The following MLLT10 variants were observed in gnomAD, a reference collection of about 807,000 sequenced individuals.
The protein encoded by MLLT10 is MLLT10 histone lysine methyltransferase DOT1L cofactor, also known as protein AF-10.
Under a neutral mutation model 129.1 loss-of-function variants are expected in MLLT10, and 30 were observed. That is an observed-to-expected ratio of 0.23 (90% CI 0.17 to 0.32). MLLT10 has a LOEUF of 0.32. Among genes scored for constraint, MLLT10 ranks in the 10% least tolerant of loss-of-function variants. The probability of loss-of-function intolerance (pLI) is 1.00; values close to 1 mark genes in which losing one functional copy is unlikely to be tolerated. For synonymous variants in MLLT10, 490 were observed against 446.4 expected (o/e 1.10, Z -1.23); for missense variants, 1,119 against 1,268.3 (o/e 0.88, Z 1.79).
At chr10:21,617,434 A>C (rs1024085458) in intron 8 of MLLT10, among the ~76,000 whole-genome samples, 4 of 152,218 alleles carry the variant, frequency 2.6e-5, no homozygotes, top group African/African-American at 9.6e-5. Context: ...TACTGAAAGC[A>C]TGAGGGAAAT....
intron 7 of MLLT10, 105 bp from the exon 8 acceptor site, chr10:21,617,007 A>G: frequency 2.5e-6 from 1 of 406,144 alleles, no homozygotes; most frequent in Non-Finnish European, 4.2e-6. Flanking sequence ...ATTTCAGTAG[A>G]CATTAAAAAT....
chr10:21,634,359 T>C (rs761962508), intron 8 of MLLT10, among the ~76,000 whole-genome samples: 38 of 152,356 alleles, frequency 2.5e-4, no homozygotes, highest in Non-Finnish European at 2.4e-4. Context: ...AAAAGATTCA[T>C]GTTAAGCATA....
intron 3 of MLLT10, among the ~76,000 whole-genome samples, chr10:21,583,955 C>T (rs542527666): frequency 7.2e-5 from 11 of 152,134 alleles, no homozygotes; most frequent in East Asian, 1.9e-4. Context: ...CTGCAAGCTC[C>T]GCCTCCTGGG....
intron 11 of MLLT10, among the ~76,000 whole-genome samples, chr10:21,678,403 A>G (rs2052408448): frequency 6.6e-6 from 1 of 152,154 alleles, no homozygotes; most frequent in South Asian, 2.1e-4. Context: ...GGGCCCAGCT[A>G]TTTTTAAAGC....
chr10:21,701,074 T>G (rs1022525981), intron 13 of MLLT10, among the ~76,000 whole-genome samples: 2 of 152,178 alleles, frequency 1.3e-5, no homozygotes, highest in Non-Finnish European at 2.9e-5. Flanking sequence ...GTATGTTTTT[T>G]GGAATTCATC....
chr10:21,536,280 T>C (rs548310646), intron 2 of MLLT10, among the ~76,000 whole-genome samples: 1 of 152,304 alleles, frequency 6.6e-6, no homozygotes, highest in Non-Finnish European at 1.5e-5. Flanking sequence ...TGTCTTGCTT[T>C]TTTAGGGAGT....
In MLLT10 at chr10:21,724,103, G is replaced by A. The variant is rs138842382; in HGVS notation, c.1879-2141G>A. Reference sequence around the variant, plus strand: ...TTGAAGTTATAACTTACCTTTTCCCGAGGGACAGTTGATTGTTAAACAGGA... The same window carrying A: ...TTGAAGTTATAACTTACCTTTTCCCAAGGGACAGTTGATTGTTAAACAGGA... On this transcript the variant is annotated intron_variant, in intron 14 of 22. Coordinates refer to ENST00000307729, the MANE Select transcript of MLLT10 (RefSeq NM_001195626.3). 6.6e-5 allele frequency among the ~76,000 whole-genome samples: 10 copies of A among 152,236 alleles called. No individual in the cohort carries two copies. In the East Asian group the frequency reaches 1.4e-3, roughly 21 times the overall value.
chr10:21,542,705 A>G (rs937968177), intron 3 of MLLT10, among the ~76,000 whole-genome samples: 3 of 152,312 alleles, frequency 2.0e-5, no homozygotes, highest in African/African-American at 7.2e-5. Flanking sequence ...CCTGGACAAC[A>G]TAGTGAGACC....
At chr10:21,540,990 C>T (rs1205503259) in intron 3 of MLLT10, among the ~76,000 whole-genome samples, 1 of 151,892 alleles carries the variant, frequency 6.6e-6, no homozygotes, top group East Asian at 1.9e-4. Context: ...CGAAACCCCA[C>T]CTCTACTAAA....
chr10:21,736,289 A>G (rs1049166202), intron 21 of MLLT10, among the ~76,000 whole-genome samples: 1 of 152,136 alleles, frequency 6.6e-6, no homozygotes, highest in South Asian at 2.1e-4. Context: ...TGTGGTATAT[A>G]TATGTATATT....
At chr10:21,574,666 C>A (rs1251251969) in intron 3 of MLLT10, among the ~76,000 whole-genome samples, 1 of 152,118 alleles carries the variant, frequency 6.6e-6, no homozygotes, top group Non-Finnish European at 1.5e-5. Context: ...GTGGGCAATT[C>A]CCAGAACTAG....
chr10:21,623,254 A>AC (rs2046081506), intron 8 of MLLT10, among the ~76,000 whole-genome samples: 2 of 152,168 alleles, frequency 1.3e-5, no homozygotes, highest in South Asian at 4.1e-4. Context: ...CAACAGAGGT[A>AC]CCGGGGTAGG....
rs1182222089 is a variant in MLLT10, at chr10:21,645,764, ACTCTGAATTC to A, written c.700-5904_700-5895del. 3.3e-5 allele frequency among the ~76,000 whole-genome samples: 5 copies of A among 152,184 alleles called. No individual in the cohort carries two copies. The East Asian group carries it at 9.6e-4, about 29-fold the overall frequency. The stretch of plus-strand genomic sequence containing the variant: ...ACAGATTACATACGTACTCTTCAAA[ACTCTGAATTC>A]CTCTTGGCCTTAAGATATGAACTTA... On this transcript the variant is annotated intron_variant, in intron 8 of 22. Coordinates refer to ENST00000307729, the MANE Select transcript of MLLT10 (RefSeq NM_001195626.3).
intron 7 of MLLT10, 88 bp downstream of exon 7, chr10:21,615,012 G>A: frequency 9.2e-7 from 1 of 1,082,020 alleles, no homozygotes; most frequent in East Asian, 2.6e-5. Flanking sequence ...GCATATAACA[G>A]TTCCTTTTTC....
chr10:21,619,027 CAT>C (rs1258053699), intron 8 of MLLT10, among the ~76,000 whole-genome samples: 15 of 120,322 alleles, frequency 1.2e-4, no homozygotes, highest in African/African-American at 4.3e-4. Context: ...TGCCTGGTGA[CAT>C]ACACACACAC....
intron 3 of MLLT10, among the ~76,000 whole-genome samples, chr10:21,545,336 AC>A (rs2035900809): frequency 1.3e-5 from 2 of 152,006 alleles, no homozygotes; most frequent in Admixed American, 6.6e-5. Context: ...CAGGAAAAGA[AC>A]CTAAAAAGTA....
At chr10:21,701,567 G>C (rs1470002421) in intron 13 of MLLT10, among the ~76,000 whole-genome samples, 1 of 151,910 alleles carries the variant, frequency 6.6e-6, no homozygotes, top group Non-Finnish European at 1.5e-5. Flanking sequence ...CATTGGCACA[G>C]TGGTGGATTG....
intron 8 of MLLT10, among the ~76,000 whole-genome samples, chr10:21,627,246 T>C (rs1013431752): frequency 6.6e-6 from 1 of 152,170 alleles, no homozygotes; most frequent in African/African-American, 2.4e-5. Context: ...TTCTGAACCA[T>C]TGCAGGGTAA....
At chr10:21,624,750 G>A (rs907142519) in intron 8 of MLLT10, 17 of 1,232,132 alleles carry the variant, frequency 1.4e-5, no homozygotes, top group Middle Eastern at 1.9e-4. Flanking sequence ...TTGGAATCAG[G>A]TTGGTTGTAA....
Sources: allele counts gnomAD v4.1 joint callset (sites outside exome capture counted in the v4.1 genomes callset), GRCh38; gene constraint gnomAD v4.1.1; transcripts MANE v1.5; gene names NCBI Gene and HGNC (gene_info 2026-07-23, HGNC 2026-07-21).